LRRC63: variants seen among roughly 807,000 people sequenced by gnomAD.
LRRC63 encodes the protein leucine rich repeat containing 63, also known as leucine-rich repeat-containing protein 63.
In LRRC63, 40 loss-of-function variants were observed where a neutral mutation model predicts 49.5. The ratio of observed to expected loss-of-function variants is 0.81; its 90% CI spans 0.63 to 1.05. The LOEUF is 1.05. Among genes scored for constraint, LRRC63 ranks in the 50% least tolerant of loss-of-function variants. The pLI is 0.00. For synonymous variants in LRRC63, 191 were observed against 221.1 expected, an observed-to-expected ratio of 0.86 and a Z score of 1.21; for missense variants, 636 against 663.1, an observed-to-expected ratio of 0.96 and a Z score of 0.45.
At chr13:46,271,735 A>C (rs1359160073) in intron 9 of LRRC63, among the ~76,000 whole-genome samples, 1 of 151,508 alleles carries the variant, frequency 6.6e-6, no homozygotes, top group Non-Finnish European at 1.5e-5. Context: ...AAAAAAAAAA[A>C]AACTCCAACA....
intron 7 of LRRC63, among the ~76,000 whole-genome samples, chr13:46,257,472 T>G (rs1228546754): frequency 1.9e-5 from 2 of 106,508 alleles, no homozygotes; most frequent in African/African-American, 1.5e-4. Context: ...AGTCAAAGAT[T>G]TCAACTCTTG....
At chr13:46,259,634 T>C (rs1427456900) in intron 7 of LRRC63, among the ~76,000 whole-genome samples, 1 of 152,252 alleles carries the variant, frequency 6.6e-6, no homozygotes, top group Admixed American at 6.5e-5. Flanking sequence ...CATATTGTTA[T>C]TTATTAAAGA....
chr13:46,250,496 G>T lies in LRRC63; in HGVS notation c.1226+5G>T, dbSNP rs1378018299. On this transcript the variant is annotated splice_donor_5th_base_variant and intron_variant, in intron 7 of 9. Transcript: ENST00000595396. ...AATTACTGTTCTTCCAATTGGGTAAGGTTGATGGTCTGAGATTATAAACAC... is the reference window on the plus strand; with the variant it reads ...AATTACTGTTCTTCCAATTGGGTAATGTTGATGGTCTGAGATTATAAACAC... The T allele has an allele frequency of 1.3e-6, 2 of 1,514,010 alleles. No homozygotes were observed. Among genetic ancestry groups the T allele is most frequent in the East Asian group, 4.9e-5 (2 of 40,508 alleles). 93.8% of individuals were successfully genotyped at this position (1,514,010 alleles called of 1,614,324 possible). A position where few individuals can be genotyped will look rare whatever the true frequency, so the allele number is the denominator to read the frequency against.
At chr13:46,235,386 A>G (rs1188653997) in intron 5 of LRRC63, among the ~76,000 whole-genome samples, 5 of 152,166 alleles carry the variant, frequency 3.3e-5, no homozygotes, top group Non-Finnish European at 5.9e-5. Flanking sequence ...CCCAATAGCT[A>G]TAGCTCATAT....
chr13:46,233,679 G>A (rs7984222), intron 4 of LRRC63, among the ~76,000 whole-genome samples: 18,198 of 152,142 alleles, frequency 0.12, 1,381 homozygotes, highest in African/African-American at 0.2. Context: ...GCTTACTCCT[G>A]AGATGTTTGT....
chr13:46,222,888 A>G (rs1364841190), intron 2 of LRRC63, among the ~76,000 whole-genome samples: 1 of 152,188 alleles, frequency 6.6e-6, no homozygotes, highest in Admixed American at 6.5e-5. Flanking sequence ...GCCTTAAAAA[A>G]GGATGAGTTC....
At chr13:46,247,837 AAAG>A (rs767879967) in intron 6 of LRRC63, among the ~76,000 whole-genome samples, 56 of 152,200 alleles carry the variant, frequency 3.7e-4, no homozygotes, top group Middle Eastern at 3.4e-3. Context: ...AATGTTAAAT[AAAG>A]AAGATTAATA....
chr13:46,269,321 C>T (rs1192207529), intron 9 of LRRC63, among the ~76,000 whole-genome samples: 1 of 151,912 alleles, frequency 6.6e-6, no homozygotes. Context: ...AAAGGCAAAT[C>T]AACCAATGGA....
chr13:46,235,160 T>C (rs542895281), intron 5 of LRRC63, among the ~76,000 whole-genome samples: 17 of 152,232 alleles, frequency 1.1e-4, no homozygotes, highest in African/African-American at 3.9e-4. Flanking sequence ...CTAAGGTGGT[T>C]GTAAATGGCC....
chr13:46,248,309 C>G (rs1384284781), intron 6 of LRRC63, among the ~76,000 whole-genome samples: 1 of 151,820 alleles, frequency 6.6e-6, no homozygotes, highest in Non-Finnish European at 1.5e-5. Flanking sequence ...ATCAAACAAT[C>G]CAATCAAAAG....
chr13:46,240,228 G>A (rs763581863), intron 5 of LRRC63, among the ~76,000 whole-genome samples: 1 of 150,188 alleles, frequency 6.7e-6, no homozygotes, highest in Non-Finnish European at 1.5e-5. Flanking sequence ...CCAGGTTCAC[G>A]TCATTCTCCT....
At chr13:46,212,975 A>G in intron 1 of LRRC63, 27 bp from the exon 2 acceptor site, 1 of 1,144,518 alleles carries the variant, frequency 8.7e-7, no homozygotes, top group East Asian at 2.6e-5. Flanking sequence ...CATATTCAAA[A>G]CCTTTTCAAT....
At chr13:46,258,677 G>A (rs113050890) in intron 7 of LRRC63, among the ~76,000 whole-genome samples, 1,630 of 150,370 alleles carry the variant, frequency 0.011, 20 homozygotes, top group African/African-American at 0.031. Context: ...GCATGGTGGC[G>A]TGTGCCTGTA....
At chr13:46,248,763 A>G (rs2047289801) in intron 6 of LRRC63, among the ~76,000 whole-genome samples, 1 of 151,936 alleles carries the variant, frequency 6.6e-6, no homozygotes, top group Non-Finnish European at 1.5e-5. Flanking sequence ...ATTGAACAAC[A>G]CTATAAACCA....
chr13:46,263,573 A>G (rs2047644113), intron 8 of LRRC63, among the ~76,000 whole-genome samples: 1 of 152,108 alleles, frequency 6.6e-6, no homozygotes, highest in African/African-American at 2.4e-5. Flanking sequence ...CCCCACCATG[A>G]TGGTCTGTCT....
At chr13:46,231,737 C>G (rs894731033) in intron 4 of LRRC63, among the ~76,000 whole-genome samples, 1 of 151,424 alleles carries the variant, frequency 6.6e-6, no homozygotes, top group African/African-American at 2.4e-5. Flanking sequence ...CTCAAACTCC[C>G]AACCTCTAGT....
chr13:46,252,003 C>T (rs991180121), intron 7 of LRRC63, among the ~76,000 whole-genome samples: 9 of 151,814 alleles, frequency 5.9e-5, no homozygotes, highest in Middle Eastern at 3.4e-3. Context: ...TGAAATAAAG[C>T]GGCATATTTT....
chr13:46,246,651 C>A, intron 6 of LRRC63, 26 bp downstream of exon 6: 1 of 1,010,622 alleles, frequency 9.9e-7, no homozygotes, highest in Non-Finnish European at 1.3e-6. Flanking sequence ...TTGTTATGTA[C>A]TGATATAACT....
chr13:46,271,197 G>A (rs1020779673), intron 9 of LRRC63, among the ~76,000 whole-genome samples: 4 of 152,154 alleles, frequency 2.6e-5, no homozygotes, highest in African/African-American at 7.2e-5. Flanking sequence ...TCCTGGAACC[G>A]ATCCCCCATG....
Sources: gnomAD v4.1 joint callset for allele counts (sites outside exome capture counted in the v4.1 genomes callset) on GRCh38, gnomAD v4.1.1 for gene constraint, MANE v1.5 for transcripts, NCBI Gene and HGNC (gene_info 2026-07-23, HGNC 2026-07-21) for gene names.